RUFY3: variants seen among roughly 807,000 people sequenced by gnomAD.
RUFY3 encodes RUN and FYVE domain containing 3, also known as protein RUFY3.
In RUFY3, 34 loss-of-function variants were observed where a neutral mutation model predicts 84.0. The observed-to-expected ratio is 0.40, with a 90% CI of 0.31 to 0.54. The LOEUF is 0.54. RUFY3 is among the 20% of genes least tolerant of loss of function. The pLI is 0.39. For synonymous variants in RUFY3, 242 were observed against 252.9 expected (o/e 0.96, Z 0.41); for missense variants, 507 against 736.8 (o/e 0.69, Z 3.61).
intron 1 of RUFY3, among the ~76,000 whole-genome samples, chr4:70,725,053 C>T (rs1400292026): frequency 6.6e-6 from 1 of 152,156 alleles, no homozygotes; most frequent in African/African-American, 2.4e-5. Flanking sequence ...GAAGTCTCCT[C>T]ACTCCCACAA....
chr4:70,704,947 C>G (rs1311634750), exon 1 of RUFY3: 6 of 1,226,302 alleles, frequency 4.9e-6, no homozygotes, highest in Non-Finnish European at 6.1e-6. Context: ...ATGGCTGAGA[C>G]CCCGCCGCCG....
At chr4:70,759,794 T>A (rs16845433) in intron 1 of RUFY3, among the ~76,000 whole-genome samples, 1 of 152,172 alleles carries the variant, frequency 6.6e-6, no homozygotes, top group Non-Finnish European at 1.5e-5. Flanking sequence ...CTTTCATTTG[T>A]TTAGATTAGT....
At chr4:70,780,510 C>G (rs982291997) in intron 8 of RUFY3, among the ~76,000 whole-genome samples, 2 of 152,282 alleles carry the variant, frequency 1.3e-5, no homozygotes, top group African/African-American at 4.8e-5. Context: ...CCAGGCTGGT[C>G]TTGAGCTCCC....
At chr4:70,745,980 C>T (rs1376972220) in intron 1 of RUFY3, among the ~76,000 whole-genome samples, 2 of 152,078 alleles carry the variant, frequency 1.3e-5, no homozygotes, top group South Asian at 2.1e-4. Flanking sequence ...GCAGAGGTTG[C>T]GGTGAGCTGA....
At chr4:70,747,344 C>G (rs1241356210) in intron 1 of RUFY3, among the ~76,000 whole-genome samples, 1 of 152,138 alleles carries the variant, frequency 6.6e-6, no homozygotes, top group Non-Finnish European at 1.5e-5. Flanking sequence ...ACAAAAGTTT[C>G]ATGAAACAAT....
At chr4:70,784,246 G>A (rs1729409129) in intron 9 of RUFY3, among the ~76,000 whole-genome samples, 1 of 152,228 alleles carries the variant, frequency 6.6e-6, no homozygotes, top group African/African-American at 2.4e-5. Flanking sequence ...CACTTTGGGA[G>A]GCCAAGGAGG....
At chr4:70,738,356 CTTTTTTT>C (rs60916183) in intron 1 of RUFY3, among the ~76,000 whole-genome samples, 58 of 60,502 alleles carry the variant, frequency 9.6e-4, no homozygotes, top group Non-Finnish European at 1.4e-3. Context: ...GGTGTTTCAT[CTTTTTTT>C]TTTTTTTTTT....
chr4:70,749,656 T>G (rs1238336256), intron 1 of RUFY3, among the ~76,000 whole-genome samples: 5 of 147,910 alleles, frequency 3.4e-5, no homozygotes, highest in Non-Finnish European at 7.4e-5. Context: ...TCTTGTCTTG[T>G]CTTTTTTTTT....
intron 1 of RUFY3, among the ~76,000 whole-genome samples, chr4:70,750,389 G>A (rs991625978): frequency 1.3e-5 from 2 of 152,100 alleles, no homozygotes; most frequent in Non-Finnish European, 2.9e-5. Flanking sequence ...AAGTCTTATA[G>A]TGTCTCAGCC....
At chr4:70,717,871 GTATT>G (rs1741795413), upstream of RUFY3, among the ~76,000 whole-genome samples, 3 of 135,034 alleles carry the variant, frequency 2.2e-5, no homozygotes, top group African/African-American at 9.2e-5. Context: ...ACTTGACATG[GTATT>G]TTTTTTTTTT....
At chr4:70,710,965 T>G (rs1283657181) in intron 1 of RUFY3, among the ~76,000 whole-genome samples, 1 of 145,322 alleles carries the variant, frequency 6.9e-6, no homozygotes, top group East Asian at 2.0e-4. Context: ...CTGGGGAAGC[T>G]GAGGCAGGAG....
At chr4:70,743,131 C>T (rs1181124873) in intron 1 of RUFY3, among the ~76,000 whole-genome samples, 6 of 151,966 alleles carry the variant, frequency 3.9e-5, no homozygotes, top group Non-Finnish European at 2.9e-5. Flanking sequence ...TGCAGTGGAG[C>T]GATCTCATCT....
At position 70,806,988 on chromosome 4, in the gene RUFY3, G is replaced by A. The variant is rs1400507359; in HGVS notation, c.*329G>A. On this transcript the variant is annotated 3_prime_UTR_variant, in exon 18 of 18. Coordinates refer to ENST00000381006, the MANE Select transcript of RUFY3 (RefSeq NM_001037442.4). ...ACTGGGGTGGATTTAATAGGAGAGA[G>A]AATCCAGGCAGATAAGAATAAAAAG... The A allele has an allele frequency of 3.3e-5, 6 of 182,698 alleles. No homozygotes were observed. The highest frequency in any genetic ancestry group is 1.4e-4 in the African/African-American group (6 of 42,734). 11.3% of individuals were successfully genotyped at this position (182,698 alleles called of 1,614,324 possible).
chr4:70,780,058 C>T (rs531360206), intron 8 of RUFY3, among the ~76,000 whole-genome samples: 5 of 152,178 alleles, frequency 3.3e-5, no homozygotes, highest in African/African-American at 4.8e-5. Context: ...CCTTCACTTT[C>T]GGACAAAAAT....
intron 1 of RUFY3, among the ~76,000 whole-genome samples, chr4:70,706,025 G>C (rs191292527): frequency 7.9e-5 from 12 of 152,302 alleles, no homozygotes; most frequent in Non-Finnish European, 1.5e-4. Flanking sequence ...CGAGCGCTCT[G>C]AATGCAGCTG....
In RUFY3 at chr4:70,771,809, C is replaced by T. The variant is rs192199767; in HGVS notation, c.697-1702C>T. Among the ~76,000 whole-genome samples the T allele has an allele frequency of 2.1e-3, 318 of 152,276 alleles. 1 individual carries two copies. The highest frequency in any genetic ancestry group is 7.4e-3 in the African/African-American group (307 of 41,552). On this transcript the variant is annotated intron_variant, in intron 5 of 17. Transcript: ENST00000381006. The stretch of plus-strand genomic sequence containing the variant: ...CCTCCCAAAGTGCTGGGATTACAGG[C>T]ATGAGCCATGGCGCCTGGCCTATTG...
intron 5 of RUFY3, among the ~76,000 whole-genome samples, chr4:70,771,675 G>A (rs759876535): frequency 5.3e-4 from 80 of 152,064 alleles, no homozygotes; most frequent in Non-Finnish European, 9.0e-4. Context: ...GGGACTATAG[G>A]AACATGCTAC....
chr4:70,776,274 C>T (rs1228912201), intron 7 of RUFY3, among the ~76,000 whole-genome samples: 3 of 152,112 alleles, frequency 2.0e-5, no homozygotes, highest in African/African-American at 7.2e-5. Flanking sequence ...ACAACTTTAA[C>T]AATAGACTAT....
intron 1 of RUFY3, among the ~76,000 whole-genome samples, chr4:70,747,620 CT>C (rs1346824034): frequency 6.6e-6 from 1 of 152,176 alleles, no homozygotes; most frequent in African/African-American, 2.4e-5. Context: ...TTTAAAACAT[CT>C]CCTTGTGAAA....
Sources: allele counts gnomAD v4.1 joint callset (sites outside exome capture counted in the v4.1 genomes callset), GRCh38; gene constraint gnomAD v4.1.1; transcripts MANE v1.5; gene names NCBI Gene and HGNC (gene_info 2026-07-23, HGNC 2026-07-21).